Variants in FOXP1 observed in about 807,000 individuals in gnomAD.
The protein encoded by FOXP1 is forkhead box protein P1.
Under a neutral mutation model 98.2 loss-of-function variants are expected in FOXP1, and 15 were observed. The ratio of observed to expected loss-of-function variants is 0.15; its 90% CI spans 0.10 to 0.24. The LOEUF (loss-of-function observed/expected upper bound fraction) is 0.24, where lower values mean the gene tolerates loss of function less well. Among genes scored for constraint, FOXP1 ranks in the 10% least tolerant of loss-of-function variants. The probability of loss-of-function intolerance (pLI) is 1.00; values close to 1 mark genes in which losing one functional copy is unlikely to be tolerated. For synonymous variants in FOXP1, 371 were observed against 314.5 expected (o/e 1.18, Z -1.90); for missense variants, 633 against 848.5 (o/e 0.75, Z 3.15).
At chr3:71,348,572 CAT>C (rs2077560349) in intron 4 of FOXP1, among the ~76,000 whole-genome samples, 1 of 141,336 alleles carries the variant, frequency 7.1e-6, no homozygotes. Flanking sequence ...CACGCATATG[CAT>C]GTGTGTATAA....
chr3:71,047,912 A>G (rs1253881346), intron 9 of FOXP1, among the ~76,000 whole-genome samples: 1 of 152,220 alleles, frequency 6.6e-6, no homozygotes, highest in African/African-American at 2.4e-5. Context: ...TAAAACATCA[A>G]TACATCATTC....
intron 5 of FOXP1, among the ~76,000 whole-genome samples, chr3:71,230,446 A>G (rs2066194208): frequency 6.6e-6 from 1 of 152,210 alleles, no homozygotes; most frequent in Non-Finnish European, 1.5e-5. Context: ...TAAAGTCTTT[A>G]AAACCCTCCT....
intron 3 of FOXP1, among the ~76,000 whole-genome samples, chr3:71,434,735 ATGT>A: frequency 1.3e-5 from 2 of 151,720 alleles, no homozygotes; most frequent in Middle Eastern, 3.4e-3. Flanking sequence ...CTTACCACAG[ATGT>A]TGTATTTATT....
chr3:70,971,969 C>G, intron 18 of FOXP1: 1 of 1,356,320 alleles, frequency 7.4e-7, no homozygotes, highest in East Asian at 2.7e-5. Context: ...AAAGCCAAAG[C>G]AACAGCAGAA....
chr3:71,078,537 AG>A (rs2054063987), intron 7 of FOXP1, among the ~76,000 whole-genome samples: 1 of 152,224 alleles, frequency 6.6e-6, no homozygotes, highest in African/African-American at 2.4e-5. Flanking sequence ...TACCTACTAA[AG>A]GTAGACAGCT....
intron 2 of FOXP1, among the ~76,000 whole-genome samples, chr3:71,536,678 G>A (rs1245220775): frequency 6.6e-6 from 1 of 151,242 alleles, no homozygotes; most frequent in Non-Finnish European, 1.5e-5. Context: ...AAAAATGTAT[G>A]GGTGTTTGAG....
intron 5 of FOXP1, among the ~76,000 whole-genome samples, chr3:71,287,600 C>A (rs1036377953): frequency 6.6e-6 from 1 of 151,838 alleles, no homozygotes; most frequent in African/African-American, 2.4e-5. Context: ...ACAAACATGG[C>A]GAAACCCTGT....
intron 3 of FOXP1, among the ~76,000 whole-genome samples, chr3:71,399,039 A>G (rs111658350): frequency 6.6e-6 from 1 of 152,220 alleles, no homozygotes; most frequent in Non-Finnish European, 1.5e-5. Context: ...TGATTTAGAC[A>G]TAAAAGTTAT....
At chr3:71,382,801 T>C (rs2080277616) in intron 3 of FOXP1, among the ~76,000 whole-genome samples, 2 of 152,174 alleles carry the variant, frequency 1.3e-5, no homozygotes, top group African/African-American at 4.8e-5. Flanking sequence ...CTCATCCTAA[T>C]TTAAATACTG....
At chr3:71,166,807 AACAC>A (rs1314202284) in intron 6 of FOXP1, among the ~76,000 whole-genome samples, 2 of 152,124 alleles carry the variant, frequency 1.3e-5, no homozygotes, top group African/African-American at 4.8e-5. Flanking sequence ...CAAAAACAAA[AACAC>A]ACACAAAGAA....
At chr3:71,175,147 C>T (rs1289384304) in intron 6 of FOXP1, among the ~76,000 whole-genome samples, 1 of 152,140 alleles carries the variant, frequency 6.6e-6, no homozygotes, top group Non-Finnish European at 1.5e-5. Flanking sequence ...CTCCTGACCT[C>T]GTGATCCATC....
intron 3 of FOXP1, among the ~76,000 whole-genome samples, chr3:71,364,532 G>A (rs1319222873): frequency 6.6e-6 from 1 of 152,170 alleles, no homozygotes; most frequent in Non-Finnish European, 1.5e-5. Flanking sequence ...TGTTGTTGCT[G>A]TTGAATTGGC....
intron 3 of FOXP1, among the ~76,000 whole-genome samples, chr3:71,450,373 C>A (rs2086832350): frequency 6.6e-6 from 1 of 152,212 alleles, no homozygotes; most frequent in African/African-American, 2.4e-5. Flanking sequence ...CCCAGCTCAA[C>A]CTTCTTCATA....
At chr3:71,372,462 T>A (rs1423590646) in intron 3 of FOXP1, among the ~76,000 whole-genome samples, 1 of 152,142 alleles carries the variant, frequency 6.6e-6, no homozygotes, top group Non-Finnish European at 1.5e-5. Flanking sequence ...GTTCCTTCGT[T>A]TCACTTGCAC....
intron 6 of FOXP1, chr3:71,197,960 C>A: frequency 6.2e-7 from 1 of 1,614,214 alleles, no homozygotes; most frequent in South Asian, 1.1e-5. Context: ...GTCTCAGCAA[C>A]TGCTCCCCAC....
chr3:71,079,240 A>C (rs2054150863), intron 7 of FOXP1, among the ~76,000 whole-genome samples: 1 of 151,908 alleles, frequency 6.6e-6, no homozygotes, highest in Non-Finnish European at 1.5e-5. Context: ...ATACAGTCTG[A>C]ATTCTTTGCC....
At chr3:71,284,032 T>C (rs552262066) in intron 5 of FOXP1, among the ~76,000 whole-genome samples, 36 of 152,294 alleles carry the variant, frequency 2.4e-4, no homozygotes, top group African/African-American at 8.2e-4. Context: ...TGGGACTTCA[T>C]TTGTAATGAA....
At chr3:71,029,665 G>A (rs1172818512) in intron 11 of FOXP1, among the ~76,000 whole-genome samples, 4 of 152,138 alleles carry the variant, frequency 2.6e-5, no homozygotes, top group Non-Finnish European at 5.9e-5. Context: ...TGCTGGGATT[G>A]TAGGCATCAG....
intron 6 of FOXP1, among the ~76,000 whole-genome samples, chr3:71,161,030 T>C (rs1425730181): frequency 1.3e-5 from 2 of 152,160 alleles, no homozygotes; most frequent in Non-Finnish European, 2.9e-5. Flanking sequence ...AGGAGTAAGA[T>C]ATAGCATAAG....
Sources: gnomAD v4.1 joint callset for allele counts (sites outside exome capture counted in the v4.1 genomes callset) on GRCh38, gnomAD v4.1.1 for gene constraint, MANE v1.5 for transcripts, NCBI Gene and HGNC (gene_info 2026-07-23, HGNC 2026-07-21) for gene names.